The following LAMB4 variants were observed in gnomAD, a reference collection of about 807,000 sequenced individuals.
LAMB4 encodes laminin subunit beta 4.
LAMB4 carries 196 observed loss-of-function variants against 199.2 expected under a neutral mutation model. That is an observed-to-expected ratio of 0.98 (90% CI 0.88 to 1.11). LAMB4 has a LOEUF of 1.11. Among genes scored for constraint, LAMB4 ranks in the 50% least tolerant of loss-of-function variants. The pLI, the probability that LAMB4 is intolerant of heterozygous loss-of-function variation, is 0.00. For missense variants in LAMB4, 2,080 were observed against 2,171.2 expected (o/e 0.96, Z 0.83); for synonymous variants, 744 against 770.6 (o/e 0.97, Z 0.57).
At chr7:108,074,771 G>A (rs1052316937) in intron 17 of LAMB4, among the ~76,000 whole-genome samples, 5 of 152,128 alleles carry the variant, frequency 3.3e-5, no homozygotes, top group Admixed American at 6.6e-5. Flanking sequence ...GTACTAGGCT[G>A]AGAATTATTT....
At chr7:108,035,806 A>C (rs1156597174) in intron 30 of LAMB4, among the ~76,000 whole-genome samples, 1 of 151,384 alleles carries the variant, frequency 6.6e-6, no homozygotes, top group African/African-American at 2.4e-5. Context: ...AAAAAGCATT[A>C]CCATTGCAAT....
At chr7:108,030,737 G>C in intron 32 of LAMB4, 69 bp downstream of exon 32, 1 of 1,448,432 alleles carries the variant, frequency 6.9e-7, no homozygotes, top group Non-Finnish European at 9.6e-7. Flanking sequence ...CAAAAATCTG[G>C]GGTTAAAGAA....
At chr7:108,051,167 AG>A (rs1333427620) in intron 26 of LAMB4, among the ~76,000 whole-genome samples, 5 of 152,228 alleles carry the variant, frequency 3.3e-5, no homozygotes, top group African/African-American at 1.2e-4. Context: ...CTTCTAGATT[AG>A]GAATCAGAGT....
chr7:108,036,981 A>C (rs751066190), intron 30 of LAMB4, among the ~76,000 whole-genome samples: 1 of 151,824 alleles, frequency 6.6e-6, no homozygotes, highest in East Asian at 1.9e-4. Context: ...GACAGACTTT[A>C]AAAAATAATT....
At chr7:108,080,514 C>A (rs1440669194) in intron 14 of LAMB4, among the ~76,000 whole-genome samples, 1 of 152,136 alleles carries the variant, frequency 6.6e-6, no homozygotes, top group Non-Finnish European at 1.5e-5. Context: ...TGTACTGCTG[C>A]CAACCAAGCA....
intron 17 of LAMB4, 114 bp from the exon 18 acceptor site, chr7:108,069,999 A>C (rs1294088916): frequency 1.4e-6 from 1 of 712,824 alleles, no homozygotes. Flanking sequence ...GACTCAACTC[A>C]ATCCTTTAAA....
At chr7:108,014,605 G>T in the LAMB4 span, among the ~76,000 whole-genome samples, 2 of 152,102 alleles carry the variant, frequency 1.3e-5, no homozygotes, top group East Asian at 1.9e-4. Context: ...TTTATTTGCT[G>T]TATACAATGT....
At chr7:108,054,390 C>T (rs921545214) in intron 25 of LAMB4, among the ~76,000 whole-genome samples, 8 of 152,128 alleles carry the variant, frequency 5.3e-5, no homozygotes, top group African/African-American at 1.2e-4. Flanking sequence ...CTTCCTTGTG[C>T]ACCTTTTAAG....
At chr7:108,050,290 C>T (rs1323969099) in intron 26 of LAMB4, among the ~76,000 whole-genome samples, 1 of 152,180 alleles carries the variant, frequency 6.6e-6, no homozygotes, top group East Asian at 1.9e-4. Flanking sequence ...CAATTTTCTT[C>T]CTCAATCTTC....
rs1384535023 is a variant in LAMB4 at position 108,105,719 on chromosome 7, TTTG to T, written c.870+95_870+97del. 2.9e-6 allele frequency: 3 copies of T among 1,052,136 alleles called. No individual in the cohort carries two copies. The East Asian group carries it at 7.3e-5, about 26-fold the overall frequency. 65.2% of individuals were successfully genotyped at this position (1,052,136 alleles called of 1,614,324 possible). A position where few individuals can be genotyped will look rare whatever the true frequency, so the allele number is the denominator to read the frequency against. ...TCTCAGCATAAAACTGGCACTTAGA[TTTG>T]TTGATCTCCATGTGGAGTGTCTCAT... is the stretch of plus-strand genomic sequence containing the variant. On this transcript the variant is annotated intron_variant, in intron 8 of 33. Transcript: ENST00000388781.
At chr7:108,111,142 A>G (rs2038209614) in intron 4 of LAMB4, among the ~76,000 whole-genome samples, 1 of 152,202 alleles carries the variant, frequency 6.6e-6, no homozygotes, top group African/African-American at 2.4e-5. Context: ...GCATTAGGAA[A>G]GTCCGGCCTG....
At chr7:108,056,770 G>C (rs915311031) in intron 24 of LAMB4, among the ~76,000 whole-genome samples, 2 of 152,114 alleles carry the variant, frequency 1.3e-5, no homozygotes, top group Non-Finnish European at 2.9e-5. Context: ...AGGAGTTCGA[G>C]ACCAGCATGA....
At chr7:108,110,151 C>T (rs2038169239) in intron 4 of LAMB4, among the ~76,000 whole-genome samples, 2 of 152,254 alleles carry the variant, frequency 1.3e-5, no homozygotes, top group Admixed American at 6.5e-5. Flanking sequence ...GCCTCAGCCT[C>T]CTGAGTAGCT....
chr7:108,028,472 A>ATT (rs1195925912), intron 33 of LAMB4, among the ~76,000 whole-genome samples: 310 of 111,760 alleles, frequency 2.8e-3, no homozygotes, highest in Non-Finnish European at 3.4e-3. Flanking sequence ...AAAAAAGGGC[A>ATT]TTTTTTTTTT....
chr7:108,066,714 C>A, intron 19 of LAMB4, 114 bp from the exon 20 acceptor site: 1 of 662,356 alleles, frequency 1.5e-6, no homozygotes, highest in Non-Finnish European at 2.6e-6. Flanking sequence ...CTAAGCAAGC[C>A]TGTAACGTGC....
At chr7:108,014,610 C>T in the LAMB4 span, among the ~76,000 whole-genome samples, 1 of 151,932 alleles carries the variant, frequency 6.6e-6, no homozygotes, top group Non-Finnish European at 1.5e-5. Context: ...TTGCTGTATA[C>T]AATGTATGAT....
intron 2 of LAMB4, 105 bp downstream of exon 2, chr7:108,123,026 C>A: frequency 2.1e-6 from 2 of 947,234 alleles, no homozygotes; most frequent in Non-Finnish European, 1.6e-6. Context: ...GCTACATAAG[C>A]ATACAGCACT....
At chr7:108,025,389 T>TTTTCTTTCTTTCTTTCTTTC (rs60438956) in intron 33 of LAMB4, among the ~76,000 whole-genome samples, 45 of 91,198 alleles carry the variant, frequency 4.9e-4, no homozygotes, top group African/African-American at 7.3e-4. Flanking sequence ...TTTTCTTTTC[T>TTTTCTTTCTTTCTTTCTTTC]TTTCTTTCTT....
intron 17 of LAMB4, among the ~76,000 whole-genome samples, chr7:108,070,521 C>A (rs1225718841): frequency 6.6e-6 from 1 of 152,178 alleles, no homozygotes; most frequent in Non-Finnish European, 1.5e-5. Flanking sequence ...TCCTCCTCAG[C>A]CTACTCAGCG....
Sources: allele counts gnomAD v4.1 joint callset (sites outside exome capture counted in the v4.1 genomes callset), GRCh38; gene constraint gnomAD v4.1.1; transcripts MANE v1.5; gene names NCBI Gene and HGNC (gene_info 2026-07-23, HGNC 2026-07-21).